The following PTER variants were observed in gnomAD, a reference collection of about 807,000 sequenced individuals.
PTER encodes N-acetyltaurine hydrolase.
In PTER, 38 loss-of-function variants were observed where a neutral mutation model predicts 29.6. That is an observed-to-expected ratio of 1.28 (90% CI 0.99 to 1.68). The LOEUF is 1.68. PTER is among the 40% of genes most tolerant of loss of function. The probability of loss-of-function intolerance (pLI) is 0.00; values close to 1 mark genes in which losing one functional copy is unlikely to be tolerated. For missense variants in PTER, 482 were observed against 427.8 expected, an observed-to-expected ratio of 1.13 and a Z score of -1.12; for synonymous variants, 172 against 154.5, an observed-to-expected ratio of 1.11 and a Z score of -0.84.
chr10:16,439,483 T>G (rs1039814594), intron 1 of PTER, among the ~76,000 whole-genome samples: 1 of 152,176 alleles, frequency 6.6e-6, no homozygotes, highest in Non-Finnish European at 1.5e-5. Context: ...GTGCCAGGAC[T>G]TGGCCATAGG....
At chr10:16,476,663 G>A (rs921850513) in intron 1 of PTER, among the ~76,000 whole-genome samples, 5 of 150,090 alleles carry the variant, frequency 3.3e-5, no homozygotes, top group African/African-American at 1.2e-4. Context: ...CCTCAACCTC[G>A]CAGGTTCAAG....
At chr10:16,475,593 T>C (rs1835230880) in intron 1 of PTER, among the ~76,000 whole-genome samples, 2 of 152,182 alleles carry the variant, frequency 1.3e-5, no homozygotes, top group South Asian at 4.1e-4. Context: ...ACCGACCAGC[T>C]CTGGTACAGG....
intron 1 of PTER, among the ~76,000 whole-genome samples, chr10:16,470,766 T>TCAAAAAAAA (rs527532049): frequency 1.7e-3 from 257 of 152,024 alleles, no homozygotes; most frequent in African/African-American, 5.8e-3. Flanking sequence ...AGGCTCCATC[T>TCAAAAAAAA]CAAAAAAAAC....
chr10:16,462,408 A>G (rs1356629708), intron 1 of PTER, among the ~76,000 whole-genome samples: 1 of 151,348 alleles, frequency 6.6e-6, no homozygotes, highest in Non-Finnish European at 1.5e-5. Context: ...ATTAAATCAT[A>G]TATGATGGTG....
In PTER at chr10:16,511,260, G is replaced by C. The variant is rs1238639856; in HGVS notation, c.*4G>C. The C allele has an allele frequency of 6.2e-7, 1 of 1,610,412 alleles. No individual in the cohort carries two copies. Among genetic ancestry groups the C allele is most frequent in the Non-Finnish European group, 8.5e-7 (1 of 1,176,858 alleles). On this transcript the variant is annotated 3_prime_UTR_variant, in exon 5 of 5. Coordinates refer to ENST00000535784, the MANE Select transcript of PTER (RefSeq NM_001261836.2). ...GCAATGGCTAACTTTCAAATAGGAT[G>C]GTTGCTTATGAATTCACACCTTGAG...
intron 1 of PTER, among the ~76,000 whole-genome samples, chr10:16,448,384 A>G (rs953442846): frequency 6.6e-6 from 1 of 152,208 alleles, no homozygotes; most frequent in African/African-American, 2.4e-5. Flanking sequence ...AGGTCACTTG[A>G]TAAATGGGTG....
rs144571032 is a variant in PTER at position 16,484,568 on chromosome 10, A to G, written c.184A>G (p.Lys62Glu). Residue 62 changes from lysine (K) to glutamate (E), a missense_variant, in exon 2 of 5, where the codon AAA (lysine) becomes GAA (glutamate). Lys to Glu is a moderately conservative substitution (Grantham distance 56). Coordinates refer to ENST00000535784, the MANE Select transcript of PTER (RefSeq NM_001261836.2). ...GATGAAAAATTTATATTGGATTCAG[A>G]AAAACGCCTATTCCCATAAAGAAAA... Reference protein sequence around the residue: ...IVMKNLYWIQKNAYSHKENLQ... With the variant: ...IVMKNLYWIQENAYSHKENLQ... The G allele has an allele frequency of 2.5e-6, 4 of 1,614,010 alleles. No homozygotes were observed. The African/African-American group carries it at 5.3e-5, about 22-fold the overall frequency.
chr10:16,462,558 CCA>C (rs1360295550), intron 1 of PTER, among the ~76,000 whole-genome samples: 1 of 149,632 alleles, frequency 6.7e-6, no homozygotes, highest in East Asian at 2.0e-4. Context: ...GCTGTGTCTT[CCA>C]CATAATCTAC....
rs546229216 is a variant in PTER at position 16,500,957 on chromosome 10, A to G, written c.699-4063A>G. ...TTTTTATTTTTGTTTTTTGAGACAC[A>G]GTCTCACTCTGTCACCCAAGCTGGA... On this transcript the variant is annotated intron_variant, in intron 3 of 4. Coordinates refer to ENST00000535784, the MANE Select transcript of PTER (RefSeq NM_001261836.2). Among the ~76,000 whole-genome samples the G allele has an allele frequency of 2.0e-5, 3 of 151,692 alleles. No homozygotes were observed. In the South Asian group the frequency reaches 6.3e-4, roughly 32 times the overall value.
At chr10:16,477,629 G>A (rs552008900) in intron 1 of PTER, among the ~76,000 whole-genome samples, 5 of 152,258 alleles carry the variant, frequency 3.3e-5, no homozygotes, top group African/African-American at 9.6e-5. Flanking sequence ...TCATTTCACA[G>A]ATGGGAAAAA....
chr10:16,496,604 CCTT>C lies in PTER; in HGVS notation c.699-8413_699-8411del, dbSNP rs566056428. On this transcript the variant is annotated intron_variant, in intron 3 of 4. Transcript: ENST00000535784. ...AACAGCCAACCACTGTTTGATATCT[CCTT>C]CTCTTTGCCAACCTAGTTCCTAGCA... is the stretch of plus-strand genomic sequence containing the variant. Among the ~76,000 whole-genome samples the C allele has an allele frequency of 4.3e-3, 661 of 152,350 alleles. 4 individuals are homozygous for C. The highest frequency in any genetic ancestry group is 7.1e-3 in the Non-Finnish European group (482 of 68,034).
chr10:16,517,945 G>A (rs1398148682), downstream of PTER, among the ~76,000 whole-genome samples: 3 of 152,134 alleles, frequency 2.0e-5, no homozygotes, highest in Non-Finnish European at 4.4e-5. Flanking sequence ...TAAATAAAAT[G>A]GCTCTCATAT....
chr10:16,513,912 G>C (rs573873041), downstream of PTER: 1 of 164,662 alleles, frequency 6.1e-6, no homozygotes, highest in East Asian at 1.7e-4. Flanking sequence ...ATAAGAAAAA[G>C]AAAATGTGAA....
rs140029847 is a variant in PTER at position 16,486,358 on chromosome 10, G to T, written c.439G>T (p.Asp147Tyr). 3 of 1,612,580 alleles carry T rather than the reference G, an allele frequency of 1.9e-6. No homozygotes were observed. Among genetic ancestry groups the T allele is most frequent in the African/African-American group, 2.7e-5 (2 of 74,816 alleles). Reference protein sequence around the residue: ...TRAMSVEQLTDVLMNEILHGA... With the variant: ...TRAMSVEQLTYVLMNEILHGA... ...CCTTCTCACTCTTCCTTAGCTTACC[G>T]ATGTCCTTATGAATGAAATTCTCCA... The change falls in exon 3 of 5, where the codon GAT (aspartate) becomes TAT (tyrosine). Residue 147 changes from aspartate to tyrosine, a missense_variant. Asp to Tyr is a radical substitution (Grantham distance 160, BLOSUM62 -3). Transcript: ENST00000535784.
At chr10:16,468,606 G>T (rs1277002348) in intron 1 of PTER, among the ~76,000 whole-genome samples, 1 of 152,162 alleles carries the variant, frequency 6.6e-6, no homozygotes, top group East Asian at 1.9e-4. Context: ...ACCAGGCACT[G>T]CAGGGAACTG....
chr10:16,463,173 C>T (rs1211402483), intron 1 of PTER, among the ~76,000 whole-genome samples: 1 of 144,300 alleles, frequency 6.9e-6, no homozygotes, highest in East Asian at 2.1e-4. Context: ...ATACTCCAGC[C>T]TGGGCGACAG....
rs967595713 is a variant in PTER at position 16,512,796 on chromosome 10, G to A, written c.*1540G>A. 11 of 152,496 alleles carry A rather than the reference G, an allele frequency of 7.2e-5. No homozygotes were observed. The highest frequency in any genetic ancestry group is 1.3e-4 in the Admixed American group (2 of 15,292). 9.4% of individuals were successfully genotyped at this position (152,496 alleles called of 1,614,324 possible). A position where few individuals can be genotyped will look rare whatever the true frequency, so the allele number is the denominator to read the frequency against. On this transcript the variant is annotated 3_prime_UTR_variant, in exon 5 of 5. Transcript: ENST00000535784. ...AAATCTCTGTTTTTGAAATCTACTC[G>A]TCAAAGAGTTTTCAGAGGCAATGAA...
chr10:16,505,012 G>A lies in PTER; in HGVS notation c.699-8G>A, dbSNP rs1223932257. Reference sequence around the variant, plus strand: ...ATAATAACAGTTCATCTGTCGCATTGTTTCTAGGACTATTCTTGATAAGAA... The same window carrying A: ...ATAATAACAGTTCATCTGTCGCATTATTTCTAGGACTATTCTTGATAAGAA... On this transcript the variant is annotated splice_polypyrimidine_tract_variant and splice_region_variant and intron_variant, in intron 3 of 4. Coordinates refer to ENST00000535784, the MANE Select transcript of PTER (RefSeq NM_001261836.2). The A allele has an allele frequency of 6.2e-7, 1 of 1,613,356 alleles. No homozygotes were observed. The highest frequency in any genetic ancestry group is 8.5e-7 in the Non-Finnish European group (1 of 1,179,690).
chr10:16,480,356 C>G (rs1835433815), intron 1 of PTER, among the ~76,000 whole-genome samples: 1 of 151,638 alleles, frequency 6.6e-6, no homozygotes, highest in African/African-American at 2.4e-5. Flanking sequence ...CCACCAGGCC[C>G]AGCTAATTTT....
Sources: allele counts gnomAD v4.1 joint callset (sites outside exome capture counted in the v4.1 genomes callset), GRCh38; gene constraint gnomAD v4.1.1; transcripts MANE v1.5; gene names NCBI Gene and HGNC (gene_info 2026-07-23, HGNC 2026-07-21).